PRKACB: variants seen among roughly 807,000 people sequenced by gnomAD.
The protein encoded by PRKACB is cAMP-dependent protein kinase catalytic subunit beta.
Under a neutral mutation model 51.4 loss-of-function variants are expected in PRKACB, and 16 were observed. The observed-to-expected ratio is 0.31, with a 90% CI of 0.21 to 0.47. PRKACB has a LOEUF of 0.47. Among genes scored for constraint, PRKACB ranks in the 20% least tolerant of loss-of-function variants. The probability of loss-of-function intolerance (pLI) is 1.00; values close to 1 mark genes in which losing one functional copy is unlikely to be tolerated. For missense variants in PRKACB, 309 were observed against 464.5 expected, an observed-to-expected ratio of 0.67 and a Z score of 3.08; for synonymous variants, 147 against 154.4, an observed-to-expected ratio of 0.95 and a Z score of 0.35.
At chr1:84,211,076 G>A (rs183539914) in intron 8 of PRKACB, among the ~76,000 whole-genome samples, 2 of 150,962 alleles carry the variant, frequency 1.3e-5, no homozygotes, top group Non-Finnish European at 3.0e-5. Flanking sequence ...ATTTGAAAAG[G>A]TTCCCAAATC....
At chr1:84,227,998 T>G (rs538303476) in intron 9 of PRKACB, among the ~76,000 whole-genome samples, 7 of 152,204 alleles carry the variant, frequency 4.6e-5, no homozygotes, top group African/African-American at 7.2e-5. Flanking sequence ...CCCCAATAGG[T>G]TTGTTATTCT....
intron 1 of PRKACB, chr1:84,086,327 C>G: frequency 1.3e-6 from 1 of 778,762 alleles, no homozygotes; most frequent in South Asian, 1.6e-5. Flanking sequence ...CCCCTGGGGC[C>G]CAGGCTCCAG....
intron 1 of PRKACB, among the ~76,000 whole-genome samples, chr1:84,169,167 A>G (rs1330196588): frequency 2.0e-5 from 3 of 151,694 alleles, no homozygotes; most frequent in African/African-American, 4.8e-5. Context: ...GAGGTTATAC[A>G]CCATAAAACG....
intron 1 of PRKACB, among the ~76,000 whole-genome samples, chr1:84,137,409 A>G (rs892171306): frequency 2.0e-5 from 3 of 152,204 alleles, no homozygotes; most frequent in African/African-American, 4.8e-5. Context: ...ACAAGGGATT[A>G]ATTAGGGTTG....
At chr1:84,092,456 A>T (rs146337639) in intron 1 of PRKACB, among the ~76,000 whole-genome samples, 3 of 152,308 alleles carry the variant, frequency 2.0e-5, no homozygotes, top group East Asian at 3.9e-4. Flanking sequence ...GCTCTTATAA[A>T]TAATGCTTTG....
chr1:84,165,046 T>C (rs1347951272), intron 1 of PRKACB: 1 of 1,435,254 alleles, frequency 7.0e-7, no homozygotes, highest in Non-Finnish European at 9.5e-7. Context: ...TGCAGCTGTT[T>C]ATTTAAAAAA....
At chr1:84,230,467 A>G (rs1258223106) in intron 9 of PRKACB, among the ~76,000 whole-genome samples, 3 of 152,128 alleles carry the variant, frequency 2.0e-5, no homozygotes, top group Non-Finnish European at 2.9e-5. Context: ...AATTCTGTGA[A>G]GAAAGTCATT....
chr1:84,192,914 G>A (rs1667208470), intron 5 of PRKACB, among the ~76,000 whole-genome samples: 1 of 152,018 alleles, frequency 6.6e-6, no homozygotes, highest in Admixed American at 6.6e-5. Context: ...ATACGTAAGA[G>A]CCAACTAAAC....
intron 9 of PRKACB, among the ~76,000 whole-genome samples, chr1:84,222,896 G>A (rs12031621): frequency 0.2 from 30,333 of 152,090 alleles, 3,243 homozygotes; most frequent in Middle Eastern, 0.29. Flanking sequence ...TCTGATGGAG[G>A]TTCCCTTATA....
At chr1:84,163,496 C>A (rs185072279) in intron 1 of PRKACB, among the ~76,000 whole-genome samples, 1 of 151,898 alleles carries the variant, frequency 6.6e-6, no homozygotes, top group East Asian at 1.9e-4. Flanking sequence ...ATCAAATCAG[C>A]CCCCTCTCAT....
Position 84,238,327 on chromosome 1 carries a change from A to G in PRKACB, c.*3022A>G, listed in dbSNP as rs369459567. The G allele has an allele frequency of 1.3e-5, 2 of 152,604 alleles. No individual in the cohort carries two copies. Among genetic ancestry groups the G allele is most frequent in the African/African-American group, 4.8e-5 (2 of 41,452 alleles). The allele number at this position is 152,604 out of a possible 1,614,324, so 9.5% of individuals were successfully genotyped here. On this transcript the variant is annotated 3_prime_UTR_variant, in exon 10 of 10. Coordinates refer to ENST00000370685, the MANE Select transcript of PRKACB (RefSeq NM_182948.4). ...ATAATGTATGTGAAAGCACCTTGTA[A>G]ACTGTAACCTATCAATGTAAAATGT...
At chr1:84,130,847 C>T (rs1652110445) in intron 1 of PRKACB, among the ~76,000 whole-genome samples, 1 of 152,058 alleles carries the variant, frequency 6.6e-6, no homozygotes, top group South Asian at 2.1e-4. Flanking sequence ...GAAAGGAAAG[C>T]AACAAAAATA....
At chr1:84,160,585 A>G (rs951522358) in intron 1 of PRKACB, among the ~76,000 whole-genome samples, 2 of 148,022 alleles carry the variant, frequency 1.4e-5, no homozygotes, top group South Asian at 2.1e-4. Context: ...ATATAATAAT[A>G]TATACAAAGC....
At chr1:84,224,712 C>T (rs1196809216) in intron 9 of PRKACB, among the ~76,000 whole-genome samples, 4 of 152,190 alleles carry the variant, frequency 2.6e-5, no homozygotes, top group Non-Finnish European at 1.5e-5. Flanking sequence ...CCCAGACCCT[C>T]AAACAATGTG....
Position 84,235,242 on chromosome 1 carries a change from TGAA to T in PRKACB, c.1143_1145del (p.Glu381del). On this transcript the variant is annotated inframe_deletion, in exon 10 of 10. Transcript: ENST00000370685. ...GAGATACCAGCAACTTTGATGACTA[TGAA>T]GAAGAAGATATCCGTGTCTCTATAA... The T allele has an allele frequency of 6.2e-7, 1 of 1,614,046 alleles. No homozygotes were observed. The highest frequency in any genetic ancestry group is 8.5e-7 in the Non-Finnish European group (1 of 1,179,888).
At chr1:84,097,235 T>C (rs1026240332) in intron 1 of PRKACB, among the ~76,000 whole-genome samples, 11 of 152,044 alleles carry the variant, frequency 7.2e-5, no homozygotes, top group Non-Finnish European at 1.2e-4. Flanking sequence ...TACACACCTA[T>C]ACTCATTTCT....
chr1:84,192,601 A>C (rs1202454973), intron 5 of PRKACB, among the ~76,000 whole-genome samples: 3 of 152,150 alleles, frequency 2.0e-5, no homozygotes, highest in African/African-American at 7.2e-5. Context: ...GTGGAGGGAA[A>C]AGCTCCAGAA....
At chr1:84,145,144 A>C (rs906448818) in intron 1 of PRKACB, among the ~76,000 whole-genome samples, 4 of 152,106 alleles carry the variant, frequency 2.6e-5, no homozygotes, top group Non-Finnish European at 5.9e-5. Context: ...AATGCAGGAA[A>C]AGTTGGTTAT....
At chr1:84,108,776 T>G (rs910889296) in intron 1 of PRKACB, among the ~76,000 whole-genome samples, 1 of 152,058 alleles carries the variant, frequency 6.6e-6, no homozygotes, top group Non-Finnish European at 1.5e-5. Flanking sequence ...CTATCCATAT[T>G]ATATATTCTG....
Sources: allele counts gnomAD v4.1 joint callset (sites outside exome capture counted in the v4.1 genomes callset), GRCh38; gene constraint gnomAD v4.1.1; transcripts MANE v1.5; gene names NCBI Gene and HGNC (gene_info 2026-07-23, HGNC 2026-07-21).